The following CELF2 variants were observed in gnomAD, a reference collection of about 807,000 sequenced individuals.
CELF2 encodes the protein CUG triplet repeat RNA-binding protein 2.
In CELF2, 8 loss-of-function variants were observed where a neutral mutation model predicts 62.6. The ratio of observed to expected loss-of-function variants is 0.13; its 90% CI spans 0.07 to 0.23. The LOEUF (loss-of-function observed/expected upper bound fraction) is 0.23. CELF2 is among the 10% of genes least tolerant of loss of function. The pLI is 1.00. For missense variants in CELF2, 333 were observed against 671.0 expected, an observed-to-expected ratio of 0.50 and a Z score of 5.56; for synonymous variants, 258 against 250.0, an observed-to-expected ratio of 1.03 and a Z score of -0.30.
intron 2 of CELF2, among the ~76,000 whole-genome samples, chr10:11,187,843 TTTTG>T (rs2075364975): frequency 6.6e-6 from 1 of 152,256 alleles, no homozygotes; most frequent in Non-Finnish European, 1.5e-5. Context: ...CTTGTTACAA[TTTTG>T]TTTAATTGGC....
intron 2 of CELF2, among the ~76,000 whole-genome samples, chr10:11,206,483 C>T (rs147916408): frequency 2.0e-5 from 3 of 152,320 alleles, no homozygotes; most frequent in Non-Finnish European, 4.4e-5. Context: ...ACAGAACTAC[C>T]TTACACCTAC....
intron 1 of CELF2, among the ~76,000 whole-genome samples, chr10:10,911,504 T>A (rs2063805825): frequency 1.3e-5 from 2 of 152,204 alleles, no homozygotes. Flanking sequence ...CTCTGACGGC[T>A]CCGACTGCAG....
intron 1 of CELF2, among the ~76,000 whole-genome samples, chr10:11,055,979 G>A (rs758259709): frequency 5.3e-5 from 8 of 152,204 alleles, no homozygotes; most frequent in Non-Finnish European, 7.3e-5. Context: ...GAAGAGTAGT[G>A]ATTTTGTGAC....
chr10:10,647,113 G>T, the CELF2 span, among the ~76,000 whole-genome samples: 1 of 152,168 alleles, frequency 6.6e-6, no homozygotes, highest in Admixed American at 6.5e-5. Flanking sequence ...CAGGGTCTAA[G>T]TTAACTGCTC....
At chr10:11,213,780 C>T (rs540849522) in intron 2 of CELF2, among the ~76,000 whole-genome samples, 11 of 152,318 alleles carry the variant, frequency 7.2e-5, no homozygotes, top group Admixed American at 2.0e-4. Flanking sequence ...GGTCTGTATT[C>T]ATCCTGCAAA....
intron 7 of CELF2, among the ~76,000 whole-genome samples, chr10:11,271,287 T>G (rs553844613): frequency 6.6e-6 from 1 of 152,286 alleles, no homozygotes; most frequent in Non-Finnish European, 1.5e-5. Context: ...CCAACAAAAT[T>G]CTATTCTATT....
chr10:10,493,688 C>T, the CELF2 span, among the ~76,000 whole-genome samples: 1 of 152,006 alleles, frequency 6.6e-6, no homozygotes, highest in Non-Finnish European at 1.5e-5. Flanking sequence ...CCTGACACTA[C>T]ATACAGCTAA....
chr10:10,694,432 G>C, the CELF2 span, among the ~76,000 whole-genome samples: 34,062 of 151,086 alleles, frequency 0.23, 4,014 homozygotes, highest in South Asian at 0.43. Context: ...TTACTTCCAA[G>C]TATGTGGTCA....
intron 1 of CELF2, among the ~76,000 whole-genome samples, chr10:11,121,306 A>C (rs559768602): frequency 6.6e-6 from 1 of 152,342 alleles, no homozygotes; most frequent in South Asian, 2.1e-4. Flanking sequence ...AATAGCACAC[A>C]TAAGATGCTG....
chr10:10,533,923 G>C, the CELF2 span, among the ~76,000 whole-genome samples: 1 of 152,078 alleles, frequency 6.6e-6, no homozygotes, highest in Non-Finnish European at 1.5e-5. Flanking sequence ...CTGAAGAAGA[G>C]AGTATGAAGA....
chr10:10,579,667 G>A, the CELF2 span, among the ~76,000 whole-genome samples: 122 of 152,058 alleles, frequency 8.0e-4, no homozygotes, highest in African/African-American at 2.8e-3. Flanking sequence ...ATGTTACCCC[G>A]GAATAGTAAA....
chr10:10,582,781 G>T, the CELF2 span, among the ~76,000 whole-genome samples: 8 of 152,174 alleles, frequency 5.3e-5, no homozygotes, highest in Admixed American at 3.9e-4. Context: ...AAGAATTGGA[G>T]CTCCCAGGTC....
the CELF2 span, among the ~76,000 whole-genome samples, chr10:10,609,203 G>A: frequency 1.4e-3 from 208 of 152,270 alleles, 1 homozygote; most frequent in African/African-American, 4.7e-3. Flanking sequence ...TGTTAGCCAA[G>A]GCCACATGTG....
Position 11,207,370 on chromosome 10 carries a change from G to T in CELF2, c.272-10055G>T, listed in dbSNP as rs973444721. Among the ~76,000 whole-genome samples the T allele has an allele frequency of 6.6e-6, 1 of 152,180 alleles. No individual in the cohort carries two copies. The highest frequency in any genetic ancestry group is 2.4e-5 in the African/African-American group (1 of 41,452). On this transcript the variant is annotated intron_variant, in intron 2 of 12. Transcript: ENST00000633077. The surrounding 1 kb of genome is among the most constrained non-coding windows in gnomAD (Gnocchi z 4.1). ...AAAGTCCCCAGGGCAACAGGAGGCTGCCAGGGGCCTGGATCTTGTGGCCAG... is the reference window on the plus strand; with the variant it reads ...AAAGTCCCCAGGGCAACAGGAGGCTTCCAGGGGCCTGGATCTTGTGGCCAG...
chr10:10,948,067 T>C (rs979486349), intron 2 of CELF2, among the ~76,000 whole-genome samples: 2 of 152,146 alleles, frequency 1.3e-5, no homozygotes, highest in Non-Finnish European at 2.9e-5. Flanking sequence ...TGGGCCTCTG[T>C]ATTTTGCCAG....
At chr10:10,517,088 G>A in the CELF2 span, among the ~76,000 whole-genome samples, 1 of 152,156 alleles carries the variant, frequency 6.6e-6, no homozygotes, top group Non-Finnish European at 1.5e-5. Context: ...CGTGAAAGAA[G>A]GACCAGCAAC....
intron 3 of CELF2, among the ~76,000 whole-genome samples, chr10:11,240,837 AT>A (rs1589661848): frequency 6.6e-6 from 1 of 152,136 alleles, no homozygotes. Flanking sequence ...AATGTTACAG[AT>A]TCTTAGAAAC....
chr10:11,093,099 A>T (rs530044185), intron 1 of CELF2, among the ~76,000 whole-genome samples: 1 of 152,178 alleles, frequency 6.6e-6, no homozygotes, highest in Non-Finnish European at 1.5e-5. Flanking sequence ...ATGCTGATAG[A>T]TGCAAAGTGA....
the CELF2 span, among the ~76,000 whole-genome samples, chr10:10,713,693 A>G: frequency 6.6e-6 from 1 of 152,236 alleles, no homozygotes; most frequent in Admixed American, 6.5e-5. Flanking sequence ...CAATTGAGTC[A>G]AGGACAGGAT....
Sources: allele counts gnomAD v4.1 joint callset (sites outside exome capture counted in the v4.1 genomes callset), GRCh38; gene constraint gnomAD v4.1.1; non-coding constraint Gnocchi (gnomAD v3.1); transcripts MANE v1.5; gene names NCBI Gene and HGNC (gene_info 2026-07-23, HGNC 2026-07-21).